The following NPAS3 variants were observed in gnomAD, a reference collection of about 807,000 sequenced individuals.
NPAS3 encodes the protein neuronal PAS domain protein 3.
NPAS3 carries 14 observed loss-of-function variants against 73.1 expected under a neutral mutation model. The ratio of observed to expected loss-of-function variants is 0.19; its 90% CI spans 0.13 to 0.30. The LOEUF (loss-of-function observed/expected upper bound fraction) is 0.30. NPAS3 is among the 10% of genes least tolerant of loss of function. The pLI, the probability that NPAS3 is intolerant of heterozygous loss-of-function variation, is 1.00. For synonymous variants in NPAS3, 620 were observed against 541.5 expected (o/e 1.14, Z -2.01); for missense variants, 1,096 against 1,250.0 (o/e 0.88, Z 1.86).
At chr14:33,297,483 C>T (rs1373417094) in intron 3 of NPAS3, among the ~76,000 whole-genome samples, 1 of 152,036 alleles carries the variant, frequency 6.6e-6, no homozygotes, top group Non-Finnish European at 1.5e-5. Context: ...GCTGTATCTC[C>T]CTGTTACTCT....
intron 3 of NPAS3, among the ~76,000 whole-genome samples, chr14:33,343,234 TG>T (rs1314738742): frequency 2.6e-5 from 4 of 152,204 alleles, no homozygotes; most frequent in African/African-American, 9.7e-5. Flanking sequence ...GGGGCTTATT[TG>T]AAACTCTATT....
At chr14:33,297,328 T>C (rs992493303) in intron 3 of NPAS3, among the ~76,000 whole-genome samples, 7 of 152,206 alleles carry the variant, frequency 4.6e-5, no homozygotes, top group African/African-American at 1.7e-4. Flanking sequence ...TGCTATATAA[T>C]GTATCATAAG....
chr14:33,769,089 CA>C (rs1340594020), intron 7 of NPAS3, among the ~76,000 whole-genome samples: 1 of 152,054 alleles, frequency 6.6e-6, no homozygotes, highest in Non-Finnish European at 1.5e-5. Context: ...TAGAGAATAA[CA>C]AAAAACAAAA....
intron 2 of NPAS3, among the ~76,000 whole-genome samples, chr14:33,161,194 T>C (rs1566624684): frequency 6.6e-6 from 1 of 152,220 alleles, no homozygotes; most frequent in African/African-American, 2.4e-5. Context: ...AATTTTTTAA[T>C]ATTTTCTGTA....
At chr14:33,006,298 G>A (rs1159572473) in intron 1 of NPAS3, among the ~76,000 whole-genome samples, 2 of 152,200 alleles carry the variant, frequency 1.3e-5, no homozygotes, top group East Asian at 3.9e-4. Context: ...TGAGGGGAAA[G>A]TGGGGGCTGT....
intron 2 of NPAS3, among the ~76,000 whole-genome samples, chr14:33,083,808 C>T (rs1440649642): frequency 2.6e-5 from 4 of 152,152 alleles, no homozygotes; most frequent in Non-Finnish European, 4.4e-5. Flanking sequence ...CCCCCAGAGG[C>T]TCTGGGTAAG....
At position 33,522,102 on chromosome 14, in the gene NPAS3, C is replaced by T. The variant is rs956426839; in HGVS notation, c.469-38019C>T. Among the ~76,000 whole-genome samples, 14 of 152,128 alleles carry T rather than the reference C, an allele frequency of 9.2e-5. No homozygotes were observed. The South Asian group carries it at 1.7e-3, about 18-fold the overall frequency. On this transcript the variant is annotated intron_variant, in intron 4 of 11. Coordinates refer to ENST00000356141, the Ensembl canonical transcript of NPAS3. ...GTTTAGAAGCCTTTAAAAACACACA[C>T]GCACATAGTGTTTGCTCTGAATTAA...
chr14:33,122,983 T>C lies in NPAS3; in HGVS notation c.140+66989T>C, dbSNP rs555852874. On this transcript the variant is annotated intron_variant, in intron 2 of 11. Transcript: ENST00000356141. ...ACAACACTTTTAGTCATGAGTGCTT[T>C]AGGAGTATTATTTATTTTTAAGGAA... Among the ~76,000 whole-genome samples the C allele has an allele frequency of 8.5e-5, 13 of 152,246 alleles. No individual in the cohort carries two copies. In the East Asian group the frequency reaches 2.5e-3, roughly 29 times the overall value.
intron 1 of NPAS3, among the ~76,000 whole-genome samples, chr14:33,012,275 G>C (rs1029394882): frequency 1.3e-5 from 2 of 152,176 alleles, no homozygotes; most frequent in African/African-American, 2.4e-5. Flanking sequence ...GAGTGGAAGA[G>C]AATTGAGACC....
intron 7 of NPAS3, among the ~76,000 whole-genome samples, chr14:33,744,467 C>T (rs2061735590): frequency 6.6e-6 from 1 of 152,076 alleles, no homozygotes. Flanking sequence ...GATCGCTGAT[C>T]ACAGATCACT....
At chr14:33,539,518 C>T (rs1458207916) in intron 4 of NPAS3, among the ~76,000 whole-genome samples, 2 of 151,952 alleles carry the variant, frequency 1.3e-5, no homozygotes, top group African/African-American at 4.8e-5. Flanking sequence ...TCGCAGGGTG[C>T]CTTGGGATCC....
chr14:33,644,057 AGTGGCTTTCTTGT>A lies in NPAS3; in HGVS notation c.559-32138_559-32126del, dbSNP rs560154108. On this transcript the variant is annotated intron_variant, in intron 5 of 11. Transcript: ENST00000356141. ...AAGACTAAAAGGTGAAAGAAAAAGTAGTGGCTTTCTTGTGTGGCTTTCTTGTGTCACTCGCTCT... is the reference window on the plus strand; with the variant it reads ...AAGACTAAAAGGTGAAAGAAAAAGTAGTGGCTTTCTTGTGTCACTCGCTCT... 2.2e-3 allele frequency among the ~76,000 whole-genome samples: 340 copies of A among 152,308 alleles called. 1 individual carries two copies. The highest frequency in any genetic ancestry group is 6.9e-3 in the African/African-American group (288 of 41,572).
intron 4 of NPAS3, among the ~76,000 whole-genome samples, chr14:33,457,309 G>C (rs1181477416): frequency 1.3e-5 from 2 of 152,220 alleles, no homozygotes; most frequent in Non-Finnish European, 2.9e-5. Flanking sequence ...CCATTGGGCA[G>C]TTTTGTGCCA....
chr14:33,800,351 A>G lies in NPAS3; in HGVS notation c.2044A>G (p.Met682Val), dbSNP rs1272828274. 6.2e-7 allele frequency: 1 copy of G among 1,612,564 alleles called. No homozygotes were observed. The highest frequency in any genetic ancestry group is 8.5e-7 in the Non-Finnish European group (1 of 1,179,332). Residue 682 changes from methionine to valine, a missense_variant, in exon 12 of 12, where the codon ATG becomes GTG. Physicochemically the swap from Met to Val is conservative, Grantham distance 21. Transcript: ENST00000356141. The surrounding 1 kb of genome is among the most constrained non-coding windows in gnomAD (Gnocchi z 6.5). The stretch of plus-strand genomic sequence containing the variant: ...CTCCAGGAACGAGTCCCCCTACAGC[A>G]TGACCAAGCCCCCCAGCTCTGAGCA...
intron 3 of NPAS3, among the ~76,000 whole-genome samples, chr14:33,299,736 A>G (rs1422782316): frequency 6.6e-6 from 1 of 152,210 alleles, no homozygotes; most frequent in African/African-American, 2.4e-5. Context: ...AAGCAATGAT[A>G]AAATATATAG....
At chr14:33,313,186 A>G (rs1384740692) in intron 3 of NPAS3, among the ~76,000 whole-genome samples, 1 of 152,084 alleles carries the variant, frequency 6.6e-6, no homozygotes, top group Non-Finnish European at 1.5e-5. Context: ...TAGTATCTCT[A>G]TGGGTTTTAT....
chr14:33,521,605 AG>A (rs1035325341), intron 4 of NPAS3, among the ~76,000 whole-genome samples: 1 of 152,108 alleles, frequency 6.6e-6, no homozygotes, highest in Non-Finnish European at 1.5e-5. Flanking sequence ...TAAGTTCCAA[AG>A]GCATTTCTAT....
At chr14:32,961,615 T>C (rs1035410254) in intron 1 of NPAS3, among the ~76,000 whole-genome samples, 25 of 149,644 alleles carry the variant, frequency 1.7e-4, no homozygotes, top group African/African-American at 6.4e-4. Flanking sequence ...ATCATCATCA[T>C]GATCATTGTC....
At chr14:33,389,781 T>C (rs2046922687) in intron 4 of NPAS3, among the ~76,000 whole-genome samples, 1 of 152,218 alleles carries the variant, frequency 6.6e-6, no homozygotes, top group Non-Finnish European at 1.5e-5. Context: ...CATTTTCAGA[T>C]TTTTACAAAT....
Sources: gnomAD v4.1 joint callset for allele counts (sites outside exome capture counted in the v4.1 genomes callset) on GRCh38, gnomAD v4.1.1 for gene constraint, Gnocchi (gnomAD v3.1) non-coding constraint, MANE v1.5 for transcripts, NCBI Gene and HGNC (gene_info 2026-07-23, HGNC 2026-07-21) for gene names.